KCNQ1: variants seen among roughly 807,000 people sequenced by gnomAD.
KCNQ1 encodes potassium voltage-gated channel subfamily KQT member 1.
A neutral mutation model predicts 72.4 loss-of-function variants in KCNQ1; 49 were observed. That is an observed-to-expected ratio of 0.68 (90% CI 0.54 to 0.86). The LOEUF (loss-of-function observed/expected upper bound fraction) is 0.86, where lower values mean the gene tolerates loss of function less well. Among genes scored for constraint, KCNQ1 ranks in the 40% least tolerant of loss-of-function variants. The pLI, the probability that KCNQ1 is intolerant of heterozygous loss-of-function variation, is 0.00. For synonymous variants in KCNQ1, 450 were observed against 412.6 expected (o/e 1.09, Z -1.10); for missense variants, 790 against 945.1 (o/e 0.84, Z 2.15).
At chr11:2,577,502 A>G (rs910419456) in intron 6 of KCNQ1, among the ~76,000 whole-genome samples, 1 of 152,208 alleles carries the variant, frequency 6.6e-6, no homozygotes, top group Non-Finnish European at 1.5e-5. Context: ...TGACGGTTTC[A>G]CCACCAGCCC....
At chr11:2,775,841 T>C (rs1258295064) in intron 12 of KCNQ1, 119 bp from the exon 13 acceptor site, 9 of 940,978 alleles carry the variant, frequency 9.6e-6, no homozygotes, top group South Asian at 1.4e-5. Flanking sequence ...CATCACCACA[T>C]AGGCGAGCTC....
intron 1 of KCNQ1, among the ~76,000 whole-genome samples, chr11:2,520,056 A>G (rs1847355049): frequency 6.6e-6 from 1 of 152,250 alleles, no homozygotes; most frequent in African/African-American, 2.4e-5. Flanking sequence ...CCCACCCCCC[A>G]GGATGACGTA....
Position 2,723,885 on chromosome 11 carries a change from G to A in KCNQ1, c.1515-44959G>A, listed in dbSNP as rs776953296. The stretch of plus-strand genomic sequence containing the variant: ...ACGGATTCCAGGGGGACCTCGGGAC[G>A]AGGAAGTCACACGTTGGGGGATGTG... On this transcript the variant is annotated intron_variant, in intron 11 of 15. Coordinates refer to ENST00000155840, the MANE Select transcript of KCNQ1 (RefSeq NM_000218.3). The surrounding 1 kb of genome is among the most constrained non-coding windows in gnomAD (Gnocchi z 4.2). Among the ~76,000 whole-genome samples the A allele has an allele frequency of 1.7e-4, 26 of 152,204 alleles. No homozygotes were observed. Among genetic ancestry groups the A allele is most frequent in the Non-Finnish European group, 2.9e-4 (20 of 68,036 alleles).
At chr11:2,632,362 T>G (rs1486482175) in intron 10 of KCNQ1, 4 of 398,340 alleles carry the variant, frequency 1.0e-5, no homozygotes, top group Non-Finnish European at 1.8e-5. Flanking sequence ...ATGCCTTTAT[T>G]TCTTTTCCAT....
intron 11 of KCNQ1, chr11:2,685,926 G>A (rs1041390214): frequency 1.0e-5 from 4 of 398,594 alleles, no homozygotes; most frequent in African/African-American, 4.1e-5. Context: ...CCAAGTTCTG[G>A]GCCCACTCTC....
Position 2,497,973 on chromosome 11 carries a change from C to A in KCNQ1, c.387-29955C>A, listed in dbSNP as rs1298909181. Among the ~76,000 whole-genome samples, 1 of 152,168 alleles carries A rather than the reference C, an allele frequency of 6.6e-6. No individual in the cohort carries two copies. Among genetic ancestry groups the A allele is most frequent in the African/African-American group, 2.4e-5 (1 of 41,446 alleles). ...AGTTTGCTGGAGGTCCACTCCAGAC[C>A]CTGTTTGCCTGGGTATCACCAGTGG... On this transcript the variant is annotated intron_variant, in intron 1 of 15. Coordinates refer to ENST00000155840, the MANE Select transcript of KCNQ1 (RefSeq NM_000218.3). This position sits in a 1 kb window ranked among gnomAD's most constrained non-coding sequence, Gnocchi z 4.5.
chr11:2,663,855 C>T lies in KCNQ1; in HGVS notation c.1514+1774C>T, dbSNP rs1164687985. ...CAGCACATGCCAAGCTCCCTGGAGC[C>T]AGAGGTTACCCACCTGCCCAAGGGT... On this transcript the variant is annotated intron_variant, in intron 11 of 15. Coordinates refer to ENST00000155840, the MANE Select transcript of KCNQ1 (RefSeq NM_000218.3). The surrounding 1 kb of genome is among the most constrained non-coding windows in gnomAD (Gnocchi z 5.2). 3 of 398,572 alleles carry T rather than the reference C, an allele frequency of 7.5e-6. No homozygotes were observed. The highest frequency in any genetic ancestry group is 1.3e-5 in the Non-Finnish European group (3 of 226,116). 24.7% of individuals were successfully genotyped at this position (398,572 alleles called of 1,614,324 possible).
chr11:2,460,921 C>T (rs1431415452), intron 1 of KCNQ1, among the ~76,000 whole-genome samples: 1 of 152,210 alleles, frequency 6.6e-6, no homozygotes, highest in Non-Finnish European at 1.5e-5. Flanking sequence ...TCGGTCTTGT[C>T]TGCTGCATGG....
At chr11:2,455,609 A>G (rs373265041) in intron 1 of KCNQ1, among the ~76,000 whole-genome samples, 43 of 152,364 alleles carry the variant, frequency 2.8e-4, no homozygotes, top group African/African-American at 9.6e-4. Flanking sequence ...GGGTTGGAAG[A>G]ATCAATATTG....
chr11:2,569,693 G>T (rs1179004388), intron 2 of KCNQ1, among the ~76,000 whole-genome samples: 1 of 152,198 alleles, frequency 6.6e-6, no homozygotes, highest in Non-Finnish European at 1.5e-5. Flanking sequence ...CTGGGCGCTG[G>T]GCTCCAGCCT....
In KCNQ1 at chr11:2,642,023, C is replaced by G. The variant is rs992474821; in HGVS notation, c.1394-19938C>G. ...TTCCAATACCATGCTGCTTTTAATG[C>G]TATAGCCTTATATTTTTAAATCAGG... On this transcript the variant is annotated intron_variant, in intron 10 of 15. Coordinates refer to ENST00000155840, the MANE Select transcript of KCNQ1 (RefSeq NM_000218.3). This position sits in a 1 kb window ranked among gnomAD's most constrained non-coding sequence, Gnocchi z 4.3. 3 of 398,166 alleles carry G rather than the reference C, an allele frequency of 7.5e-6. No homozygotes were observed. Among genetic ancestry groups the G allele is most frequent in the Non-Finnish European group, 1.3e-5 (3 of 225,894 alleles). 24.7% of individuals were successfully genotyped at this position (398,166 alleles called of 1,614,324 possible).
At chr11:2,459,205 A>G (rs960748432) in intron 1 of KCNQ1, among the ~76,000 whole-genome samples, 1 of 152,122 alleles carries the variant, frequency 6.6e-6, no homozygotes, top group Non-Finnish European at 1.5e-5. Context: ...GGTGGTGGGG[A>G]CACTGTGGTC....
At chr11:2,765,177 A>G (rs551515266) in intron 11 of KCNQ1, among the ~76,000 whole-genome samples, 1 of 152,232 alleles carries the variant, frequency 6.6e-6, no homozygotes, top group Non-Finnish European at 1.5e-5. Flanking sequence ...CTATTTGGCT[A>G]TGAATTTTAA....
intron 1 of KCNQ1, chr11:2,461,974 C>T (rs1846285190): frequency 2.7e-6 from 1 of 366,262 alleles, no homozygotes; most frequent in Non-Finnish European, 5.4e-6. Flanking sequence ...GAGAGGGCCT[C>T]TCGGTGAGTG....
At chr11:2,504,396 T>C (rs951731957) in intron 1 of KCNQ1, among the ~76,000 whole-genome samples, 2 of 151,968 alleles carry the variant, frequency 1.3e-5, no homozygotes, top group Non-Finnish European at 2.9e-5. Context: ...GAAAAATGAT[T>C]AAAACCTGGT....
At position 2,661,946 on chromosome 11, in the gene KCNQ1, A is replaced by G. The variant is rs772469966; in HGVS notation, c.1394-15A>G. The G allele has an allele frequency of 1.2e-6, 2 of 1,613,888 alleles. No individual in the cohort carries two copies. The highest frequency in any genetic ancestry group is 1.1e-5 in the South Asian group (1 of 91,084). ...GTGGGAGGCCTAACGTGCTGTCCCC[A>G]CACTTTCTCCTCAGTAAGGAAGAGC... On this transcript the variant is annotated splice_polypyrimidine_tract_variant and intron_variant, in intron 10 of 15. Transcript: ENST00000155840. This position sits in a 1 kb window ranked among gnomAD's most constrained non-coding sequence, Gnocchi z 5.9.
At chr11:2,685,875 A>G (rs1409578736) in intron 11 of KCNQ1, 4 of 398,630 alleles carry the variant, frequency 1.0e-5, no homozygotes, top group African/African-American at 8.2e-5. Flanking sequence ...TCAGACCACA[A>G]CTAGACTAGG....
chr11:2,630,165 A>G (rs997764963), intron 10 of KCNQ1: 2 of 398,230 alleles, frequency 5.0e-6, no homozygotes, highest in Admixed American at 4.4e-5. Context: ...ATTTGCACTT[A>G]TCAAAATGAT....
rs146161423 is a variant in KCNQ1 at position 2,649,621 on chromosome 11, A to G, written c.1394-12340A>G. On this transcript the variant is annotated intron_variant, in intron 10 of 15. Coordinates refer to ENST00000155840, the MANE Select transcript of KCNQ1 (RefSeq NM_000218.3). ...TTCCCCACCTTGCAGCACTTTTAAT[A>G]TGGCATTCAATTCTTTCCTGGCCTA... The G allele has an allele frequency of 2.4e-3, 956 of 398,580 alleles. 4 individuals carry two copies. The highest frequency in any genetic ancestry group is 0.018 in the African/African-American group (857 of 48,748). 24.7% of individuals were successfully genotyped at this position (398,580 alleles called of 1,614,324 possible). A position where few individuals can be genotyped will look rare whatever the true frequency, so the allele number is the denominator to read the frequency against.
Sources: allele counts gnomAD v4.1 joint callset (sites outside exome capture counted in the v4.1 genomes callset), GRCh38; gene constraint gnomAD v4.1.1; non-coding constraint Gnocchi (gnomAD v3.1); transcripts MANE v1.5; gene names NCBI Gene and HGNC (gene_info 2026-07-23, HGNC 2026-07-21).